The following INPP5D variants were observed in gnomAD, a reference collection of about 807,000 sequenced individuals.
INPP5D encodes the protein phosphatidylinositol 3,4,5-trisphosphate 5-phosphatase 1.
A neutral mutation model predicts 122.9 loss-of-function variants in INPP5D; 33 were observed. That is an observed-to-expected ratio of 0.27 (90% CI 0.20 to 0.36). The LOEUF (loss-of-function observed/expected upper bound fraction) is 0.36, where lower values mean the gene tolerates loss of function less well. Among genes scored for constraint, INPP5D ranks in the 10% least tolerant of loss-of-function variants. The probability of loss-of-function intolerance (pLI) is 1.00; values close to 1 mark genes in which losing one functional copy is unlikely to be tolerated. For missense variants in INPP5D, 1,053 were observed against 1,412.7 expected (o/e 0.75, Z 4.08); for synonymous variants, 584 against 576.2 (o/e 1.01, Z -0.19).
At chr2:233,148,456 G>C (rs972990022) in intron 9 of INPP5D, among the ~76,000 whole-genome samples, 1 of 152,138 alleles carries the variant, frequency 6.6e-6, no homozygotes, top group Non-Finnish European at 1.5e-5. Context: ...GCAACCAGTC[G>C]GGCAGGGGTC....
At chr2:233,084,208 T>A (rs1691769277) in intron 2 of INPP5D, among the ~76,000 whole-genome samples, 1 of 152,176 alleles carries the variant, frequency 6.6e-6, no homozygotes, top group African/African-American at 2.4e-5. Context: ...TGTGCACCAC[T>A]ATGCCCAGCT....
chr2:233,131,534 T>TA lies in INPP5D; in HGVS notation c.665+902dup, dbSNP rs754526793. On this transcript the variant is annotated intron_variant, in intron 5 of 26. Transcript: ENST00000445964. ...CAACATGGTGAAATCCTGTCTCTACTAAAAAAAAAAAAAAAATTAGCTGGA... is the reference window on the plus strand; with the variant it reads ...CAACATGGTGAAATCCTGTCTCTACTAAAAAAAAAAAAAAAAATTAGCTGGA... 9.3e-3 allele frequency among the ~76,000 whole-genome samples: 1,246 copies of TA among 134,282 alleles called. 7 individuals are homozygous for TA. Among genetic ancestry groups the TA allele is most frequent in the Middle Eastern group, 0.019 (5 of 264 alleles). 88.1% of individuals were successfully genotyped at this position (134,282 alleles called of 152,430 possible). A position where few individuals can be genotyped will look rare whatever the true frequency, so the allele number is the denominator to read the frequency against.
intron 1 of INPP5D, among the ~76,000 whole-genome samples, chr2:233,075,726 C>G (rs1450461224): frequency 6.6e-6 from 1 of 152,126 alleles, no homozygotes. Flanking sequence ...CAGTTTGGTA[C>G]TACTGCTCAC....
At chr2:233,136,700 A>C (rs547393159) in intron 5 of INPP5D, among the ~76,000 whole-genome samples, 6 of 152,318 alleles carry the variant, frequency 3.9e-5, no homozygotes, top group African/African-American at 1.4e-4. Flanking sequence ...GCAGTGAATA[A>C]AACAGAATCT....
At chr2:233,110,560 G>A (rs986161892) in intron 2 of INPP5D, among the ~76,000 whole-genome samples, 4 of 152,072 alleles carry the variant, frequency 2.6e-5, no homozygotes, top group Admixed American at 6.5e-5. Flanking sequence ...GTGCACACTC[G>A]TACCAATTAC....
intron 21 of INPP5D, among the ~76,000 whole-genome samples, chr2:233,186,619 T>C (rs373675684): frequency 1.4e-5 from 2 of 147,108 alleles, no homozygotes; most frequent in East Asian, 2.1e-4. Context: ...CTGGGAAACA[T>C]AGTGACATCC....
chr2:233,062,254 C>T (rs939013119), intron 1 of INPP5D, among the ~76,000 whole-genome samples: 3 of 152,228 alleles, frequency 2.0e-5, no homozygotes, highest in African/African-American at 7.2e-5. Flanking sequence ...ACCTTCAACA[C>T]AGCCCTTTGA....
intron 1 of INPP5D, among the ~76,000 whole-genome samples, chr2:233,077,989 G>A (rs7598195): frequency 0.059 from 8,912 of 152,312 alleles, 346 homozygotes; most frequent in Middle Eastern, 0.11. Context: ...TCATTACAGA[G>A]GCTGGTCCTG....
rs552716756 is a variant in INPP5D at position 233,157,584 on chromosome 2, T to G, written c.1031-729T>G. On this transcript the variant is annotated intron_variant, in intron 9 of 26. Coordinates refer to ENST00000445964, the MANE Select transcript of INPP5D (RefSeq NM_001017915.3). Reference sequence around the variant, plus strand: ...TCTGGCCAAAATTATGATATAATTGTTAGAAGGATGATGTGGGGACTGAAA... The same window carrying G: ...TCTGGCCAAAATTATGATATAATTGGTAGAAGGATGATGTGGGGACTGAAA... Among the ~76,000 whole-genome samples, 14 of 152,248 alleles carry G rather than the reference T, an allele frequency of 9.2e-5. No individual in the cohort carries two copies. In the East Asian group the frequency reaches 2.5e-3, roughly 27 times the overall value.
intron 2 of INPP5D, among the ~76,000 whole-genome samples, chr2:233,084,120 C>T (rs764972299): frequency 6.6e-6 from 1 of 152,140 alleles, no homozygotes; most frequent in Non-Finnish European, 1.5e-5. Flanking sequence ...AGTGGCGCGA[C>T]CTCGGCTCAC....
At chr2:233,109,168 C>A (rs934388063) in intron 2 of INPP5D, among the ~76,000 whole-genome samples, 1 of 152,238 alleles carries the variant, frequency 6.6e-6, no homozygotes, top group Non-Finnish European at 1.5e-5. Context: ...AGGAGCCTAG[C>A]TTTGCCATGC....
At chr2:233,083,323 C>T (rs1691739322) in intron 2 of INPP5D, among the ~76,000 whole-genome samples, 1 of 152,208 alleles carries the variant, frequency 6.6e-6, no homozygotes, top group Admixed American at 6.5e-5. Context: ...CCATCTCCCT[C>T]AGCTCTGCTC....
intron 11 of INPP5D, 70 bp from the exon 12 acceptor site, chr2:233,163,637 T>C: frequency 6.2e-7 from 1 of 1,605,468 alleles, no homozygotes. Context: ...CCGCCCTCTG[T>C]TTTGAATTCT....
intron 2 of INPP5D, 70 bp from the exon 3 acceptor site, chr2:233,122,037 G>C: frequency 6.4e-7 from 1 of 1,571,922 alleles, no homozygotes; most frequent in Non-Finnish European, 8.7e-7. Context: ...CTCTGCTGCA[G>C]TTGGCCTTTG....
intron 4 of INPP5D, among the ~76,000 whole-genome samples, chr2:233,129,828 G>A (rs1693265904): frequency 6.6e-6 from 1 of 152,006 alleles, no homozygotes; most frequent in Non-Finnish European, 1.5e-5. Context: ...ATCTTTATAA[G>A]TAGATAAGGT....
At chr2:233,112,408 G>A (rs372134524) in intron 2 of INPP5D, among the ~76,000 whole-genome samples, 12 of 152,006 alleles carry the variant, frequency 7.9e-5, no homozygotes, top group African/African-American at 2.4e-4. Flanking sequence ...TTGACAAATC[G>A]CCATTATTTT....
At chr2:233,168,005 C>CAAAAAAAAAAAA (rs58025565) in intron 13 of INPP5D, among the ~76,000 whole-genome samples, 1 of 72,710 alleles carries the variant, frequency 1.4e-5, no homozygotes, top group Non-Finnish European at 2.5e-5. Flanking sequence ...ACTCTGTCTC[C>CAAAAAAAAAAAA]AAAAAAAAAA....
intron 9 of INPP5D, among the ~76,000 whole-genome samples, chr2:233,156,313 T>C (rs1694052222): frequency 6.6e-6 from 1 of 150,504 alleles, no homozygotes; most frequent in African/African-American, 2.5e-5. Flanking sequence ...TTATTTGAGA[T>C]GGAGTCTCAC....
intron 6 of INPP5D, among the ~76,000 whole-genome samples, chr2:233,142,135 G>A (rs1053512928): frequency 1.3e-5 from 2 of 152,344 alleles, no homozygotes; most frequent in South Asian, 2.1e-4. Context: ...TCCCAGTTAC[G>A]GTGCTGCCTG....
Sources: gnomAD v4.1 joint callset for allele counts (sites outside exome capture counted in the v4.1 genomes callset) on GRCh38, gnomAD v4.1.1 for gene constraint, MANE v1.5 for transcripts, NCBI Gene and HGNC (gene_info 2026-07-23, HGNC 2026-07-21) for gene names.